The following RTN4 variants were observed in gnomAD, a reference collection of about 807,000 sequenced individuals.
RTN4 encodes reticulon-4.
A neutral mutation model predicts 90.4 loss-of-function variants in RTN4; 32 were observed. That is an observed-to-expected ratio of 0.35 (90% CI 0.27 to 0.48). RTN4 has a LOEUF of 0.48. Among genes scored for constraint, RTN4 ranks in the 20% least tolerant of loss-of-function variants. The pLI, the probability that RTN4 is intolerant of heterozygous loss-of-function variation, is 0.99. For missense variants in RTN4, 1,706 were observed against 1,430.2 expected (o/e 1.19, Z -3.11); for synonymous variants, 629 against 552.5 (o/e 1.14, Z -1.94).
At chr2:55,045,412 C>A (rs917226737) in intron 1 of RTN4, among the ~76,000 whole-genome samples, 30 of 152,312 alleles carry the variant, frequency 2.0e-4, no homozygotes, top group South Asian at 6.2e-4. Context: ...ATTCCATTTT[C>A]ACTGAATGAA....
chr2:55,068,917 G>T (rs1370450252), intron 2 of RTN4, among the ~76,000 whole-genome samples: 1 of 152,232 alleles, frequency 6.6e-6, no homozygotes, highest in Non-Finnish European at 1.5e-5. Flanking sequence ...GTGAGTGCAT[G>T]GAGGTGAAGA....
At chr2:55,005,507 C>A (rs1174452844) in intron 3 of RTN4, among the ~76,000 whole-genome samples, 1 of 152,160 alleles carries the variant, frequency 6.6e-6, no homozygotes, top group East Asian at 1.9e-4. Flanking sequence ...CTCACATTCA[C>A]TGATGAAAAT....
chr2:55,040,790 G>C (rs1443265786), intron 1 of RTN4, among the ~76,000 whole-genome samples: 3 of 149,614 alleles, frequency 2.0e-5, no homozygotes, highest in Non-Finnish European at 4.4e-5. Context: ...CCTAGGCCTA[G>C]TTAAAAAAAA....
chr2:55,046,644 C>T (rs1667753733), intron 1 of RTN4, among the ~76,000 whole-genome samples: 1 of 152,192 alleles, frequency 6.6e-6, no homozygotes, highest in Non-Finnish European at 1.5e-5. Flanking sequence ...CAAGGGGGAG[C>T]ATGTGTCTTG....
chr2:55,137,370 C>T, the RTN4 span, among the ~76,000 whole-genome samples: 1 of 152,244 alleles, frequency 6.6e-6, no homozygotes, highest in East Asian at 1.9e-4. Context: ...TGCAGTGACG[C>T]TACGGAGTCA....
At chr2:54,982,197 C>G (rs1678190646) in intron 5 of RTN4, among the ~76,000 whole-genome samples, 1 of 151,976 alleles carries the variant, frequency 6.6e-6, no homozygotes, top group Non-Finnish European at 1.5e-5. Context: ...CTCAGGTAAT[C>G]CACCCGCCTC....
chr2:55,025,566 A>G lies in RTN4; in HGVS notation c.2533T>C (p.Leu845=). The G allele has an allele frequency of 6.2e-7, 1 of 1,613,750 alleles. No homozygotes were observed. The highest frequency in any genetic ancestry group is 1.7e-5 in the Admixed American group (1 of 59,918). ...ATCTGTGCTTCCTTAGAAATAAATA[A>G]GTCATCATTTGAATAAACTGCAGTA... ...LSTAVYSNDD[L]FISKEAQIRE... is the part of the protein sequence containing the mutation. The change falls in exon 3 of 9, where the codon TTA becomes CTA. Residue 845 remains leucine, a synonymous_variant. Coordinates refer to ENST00000337526, the MANE Select transcript of RTN4 (RefSeq NM_020532.5).
chr2:54,992,116 G>A (rs1679059329), intron 3 of RTN4, among the ~76,000 whole-genome samples: 1 of 152,052 alleles, frequency 6.6e-6, no homozygotes, highest in Non-Finnish European at 1.5e-5. Flanking sequence ...GGGAGGCCAG[G>A]AGTTTGAGAC....
In RTN4 at chr2:54,972,191, T is replaced by TTAAG. The variant is rs776829801; in HGVS notation, c.*961_*964dup. 1 of 152,686 alleles carries TTAAG rather than the reference T, an allele frequency of 6.5e-6. No homozygotes were observed. Among genetic ancestry groups the TTAAG allele is most frequent in the Non-Finnish European group, 1.5e-5 (1 of 68,048 alleles). 9.5% of individuals were successfully genotyped at this position (152,686 alleles called of 1,614,324 possible). Reference sequence around the variant, plus strand: ...TGAAATGAAAATACCAAAGCATATTTTAAGTCTATAAGCTTTATTGATACT... The same window carrying TTAAG: ...TGAAATGAAAATACCAAAGCATATTTTAAGTAAGTCTATAAGCTTTATTGATACT... On this transcript the variant is annotated 3_prime_UTR_variant, in exon 9 of 9. Coordinates refer to ENST00000337526, the MANE Select transcript of RTN4 (RefSeq NM_020532.5).
At position 55,026,542 on chromosome 2, in the gene RTN4, A is replaced by G; in HGVS notation, c.1557T>C (p.Leu519=). 1 of 1,613,762 alleles carries G rather than the reference A, an allele frequency of 6.2e-7. No homozygotes were observed. Among genetic ancestry groups the G allele is most frequent in the Non-Finnish European group, 8.5e-7 (1 of 1,179,916 alleles). ...NTSTKTSNPF[L]VAAQDSETDY... is the part of the protein sequence containing the mutation. ...CTGTCTCAGAATCCTGTGCTGCTAC[A>G]AGAAAAGGGTTTGATGTTTTGGTGC... is the stretch of plus-strand genomic sequence containing the variant. Residue 519 remains leucine (L), a synonymous_variant, in exon 3 of 9, where the codon CTT becomes CTC. Transcript: ENST00000337526.
chr2:55,048,234 C>T (rs1667879535), intron 1 of RTN4, among the ~76,000 whole-genome samples: 1 of 152,220 alleles, frequency 6.6e-6, no homozygotes, highest in South Asian at 2.1e-4. Flanking sequence ...AGCCTGGAAG[C>T]TGCTGTGGAC....
At chr2:55,112,081 G>T (rs536930326) in intron 1 of RTN4, among the ~76,000 whole-genome samples, 6 of 152,336 alleles carry the variant, frequency 3.9e-5, no homozygotes, top group African/African-American at 1.2e-4. Flanking sequence ...TCCAGAAAGA[G>T]CGTGCCTTGG....
chr2:55,049,601 C>A, intron 1 of RTN4, 144 bp downstream of exon 1: 1 of 1,377,260 alleles, frequency 7.3e-7, no homozygotes, highest in Non-Finnish European at 1.0e-6. Flanking sequence ...GCGCTTCCAA[C>A]CAGACGGGGC....
chr2:55,107,888 C>T (rs1558883078), intron 1 of RTN4, among the ~76,000 whole-genome samples: 2 of 152,054 alleles, frequency 1.3e-5, no homozygotes, highest in African/African-American at 4.8e-5. Flanking sequence ...TTCTGTACAA[C>T]CTCATCATGC....
At chr2:55,091,052 TG>T (rs1668926064) in intron 1 of RTN4, among the ~76,000 whole-genome samples, 1 of 152,342 alleles carries the variant, frequency 6.6e-6, no homozygotes, top group Non-Finnish European at 1.5e-5. Context: ...CTCCCAGTTT[TG>T]CTCAACTGGC....
intron 1 of RTN4, among the ~76,000 whole-genome samples, chr2:55,084,564 T>C (rs1290588134): frequency 6.6e-6 from 1 of 152,136 alleles, no homozygotes; most frequent in Non-Finnish European, 1.5e-5. Flanking sequence ...TGTAACCAAG[T>C]CAGACAAAAG....
Position 55,039,361 on chromosome 2 carries a change from G to C in RTN4, c.556+10384C>G, listed in dbSNP as rs151182498. 6.9e-4 allele frequency among the ~76,000 whole-genome samples: 105 copies of C among 152,290 alleles called. No individual in the cohort carries two copies. In the East Asian group the frequency reaches 0.017, roughly 25 times the overall value. ...AGAGAGAGAGACCACAAGCAAGGGA[G>C]AACTCATCGATAGATTAAAAGACTA... On this transcript the variant is annotated intron_variant, in intron 1 of 8. Coordinates refer to ENST00000337526, the MANE Select transcript of RTN4 (RefSeq NM_020532.5).
At chr2:55,038,034 A>G (rs1159089065) in intron 1 of RTN4, among the ~76,000 whole-genome samples, 6 of 152,178 alleles carry the variant, frequency 3.9e-5, no homozygotes, top group Non-Finnish European at 8.8e-5. Context: ...AGAAAGAGAA[A>G]AATATTTTCA....
At chr2:55,068,523 T>C (rs1668432903) in intron 2 of RTN4, among the ~76,000 whole-genome samples, 1 of 152,156 alleles carries the variant, frequency 6.6e-6, no homozygotes. Flanking sequence ...CCAAATTTTA[T>C]CTTTAATAAA....
Sources: gnomAD v4.1 joint callset for allele counts (sites outside exome capture counted in the v4.1 genomes callset) on GRCh38, gnomAD v4.1.1 for gene constraint, MANE v1.5 for transcripts, NCBI Gene and HGNC (gene_info 2026-07-23, HGNC 2026-07-21) for gene names.